PTPRA: variants seen among roughly 807,000 people sequenced by gnomAD.
PTPRA encodes receptor-type tyrosine-protein phosphatase alpha.
PTPRA carries 25 observed loss-of-function variants against 104.8 expected under a neutral mutation model. The ratio of observed to expected loss-of-function variants is 0.24; its 90% CI spans 0.17 to 0.33. PTPRA has a LOEUF of 0.33. PTPRA is among the 10% of genes least tolerant of loss of function. PTPRA has a pLI of 1.00. For missense variants in PTPRA, 765 were observed against 1,015.3 expected, an observed-to-expected ratio of 0.75 and a Z score of 3.35; for synonymous variants, 323 against 368.9, an observed-to-expected ratio of 0.88 and a Z score of 1.43.
intron 16 of PTPRA, among the ~76,000 whole-genome samples, chr20:3,023,302 G>C (rs2064973290): frequency 6.6e-6 from 1 of 152,224 alleles, no homozygotes; most frequent in Non-Finnish European, 1.5e-5. Flanking sequence ...CACTGAGATA[G>C]CCTGAGATAT....
chr20:3,021,233 T>A, intron 13 of PTPRA, 76 bp from the exon 14 acceptor site: 1 of 1,593,796 alleles, frequency 6.3e-7, no homozygotes, highest in South Asian at 1.1e-5. Context: ...CTTTGTGGGC[T>A]CTTCCTTCCA....
At chr20:2,973,789 G>T (rs1284043394) in intron 5 of PTPRA, among the ~76,000 whole-genome samples, 1 of 152,132 alleles carries the variant, frequency 6.6e-6, no homozygotes, top group Non-Finnish European at 1.5e-5. Context: ...AATATAGTCT[G>T]CCAGGAGAGC....
intron 1 of PTPRA, among the ~76,000 whole-genome samples, chr20:2,915,362 A>G (rs1206458689): frequency 6.6e-6 from 1 of 152,160 alleles, no homozygotes; most frequent in Non-Finnish European, 1.5e-5. Context: ...CCATTTGGCT[A>G]TCTTTTGAAA....
Position 3,015,942 on chromosome 20 carries a change from GGT to G in PTPRA, c.943+58_943+59del, listed in dbSNP as rs957090815. ...TTAACCATGATCACATAATGGGTTT[GGT>G]TTTTTTCTCCCAAATGCTGAGTGGA... On this transcript the variant is annotated intron_variant, in intron 12 of 23. Coordinates refer to ENST00000399903, the MANE Select transcript of PTPRA (RefSeq NM_001385305.1). 28 of 1,484,334 alleles carry G rather than the reference GGT, an allele frequency of 1.9e-5. No individual in the cohort carries two copies. In the African/African-American group the frequency reaches 3.5e-4, roughly 19 times the overall value. The allele number at this position is 1,484,334 out of a possible 1,614,324, so 91.9% of individuals were successfully genotyped here.
chr20:2,954,318 A>G (rs2061460506), intron 3 of PTPRA, among the ~76,000 whole-genome samples: 4 of 152,024 alleles, frequency 2.6e-5, no homozygotes, highest in Admixed American at 2.6e-4. Context: ...ACCTCAGGTG[A>G]TCCACCCACC....
At chr20:2,884,085 A>G (rs2090231244) in intron 1 of PTPRA, among the ~76,000 whole-genome samples, 1 of 152,140 alleles carries the variant, frequency 6.6e-6, no homozygotes, top group African/African-American at 2.4e-5. Flanking sequence ...ATTCCTTCTT[A>G]TGGCTGAATA....
chr20:3,024,409 G>C, intron 16 of PTPRA, 63 bp from the exon 17 acceptor site: 1 of 1,508,234 alleles, frequency 6.6e-7, no homozygotes, highest in Non-Finnish European at 9.1e-7. Context: ...GGTGGGAACA[G>C]GTGATCTGGC....
At chr20:2,941,951 T>C (rs936836885) in intron 2 of PTPRA, among the ~76,000 whole-genome samples, 6 of 152,294 alleles carry the variant, frequency 3.9e-5, no homozygotes, top group Admixed American at 1.3e-4. Context: ...ACTTCTCCTA[T>C]TTGTCTGTGA....
intron 2 of PTPRA, among the ~76,000 whole-genome samples, chr20:2,936,360 G>A (rs1477493599): frequency 6.6e-6 from 1 of 151,926 alleles, no homozygotes; most frequent in Non-Finnish European, 1.5e-5. Context: ...ACAGGGTCTT[G>A]CTATGTTGCC....
rs570930664 is a variant in PTPRA, at chr20:2,946,750, A to G, written c.-49-1232A>G. Among the ~76,000 whole-genome samples the G allele has an allele frequency of 1.1e-4, 17 of 152,188 alleles. 2 individuals carry two copies. The South Asian group carries it at 2.3e-3, about 20-fold the overall frequency. On this transcript the variant is annotated intron_variant, in intron 2 of 23. Transcript: ENST00000399903. ...GTAATCCCAGCTACTTGGGAGGCTG[A>G]GGCAGGAGAATCGCTTGAACCCGGG... is the stretch of plus-strand genomic sequence containing the variant.
chr20:3,002,502 A>T, intron 9 of PTPRA, among the ~76,000 whole-genome samples: 1 of 151,664 alleles, frequency 6.6e-6, no homozygotes, highest in African/African-American at 2.4e-5. Context: ...AATTTTTTGT[A>T]TTTTTAGTAG....
At chr20:3,015,644 G>A (rs1341202359) in intron 11 of PTPRA, among the ~76,000 whole-genome samples, 2 of 152,046 alleles carry the variant, frequency 1.3e-5, no homozygotes, top group Non-Finnish European at 2.9e-5. Context: ...AATTCAATTT[G>A]AGAAGACTAC....
At chr20:3,012,803 C>T (rs1002075687) in intron 11 of PTPRA, among the ~76,000 whole-genome samples, 3 of 152,202 alleles carry the variant, frequency 2.0e-5, no homozygotes, top group Non-Finnish European at 4.4e-5. Flanking sequence ...TTTCCCCTAA[C>T]ATTGAGGTAT....
intron 1 of PTPRA, among the ~76,000 whole-genome samples, chr20:2,888,456 G>A (rs1347089067): frequency 6.6e-6 from 1 of 151,984 alleles, no homozygotes; most frequent in Non-Finnish European, 1.5e-5. Context: ...CTACTTGGGA[G>A]GCTGAGGTGG....
At chr20:3,014,465 C>A (rs538245920) in intron 11 of PTPRA, among the ~76,000 whole-genome samples, 27 of 152,196 alleles carry the variant, frequency 1.8e-4, no homozygotes, top group African/African-American at 6.5e-4. Flanking sequence ...TGGTGAAACC[C>A]CATCTCTAAT....
At chr20:3,007,482 C>G in intron 11 of PTPRA, 62 bp downstream of exon 11, 1 of 1,489,314 alleles carries the variant, frequency 6.7e-7, no homozygotes, top group Non-Finnish European at 9.4e-7. Context: ...TCTGTTGGCT[C>G]CTCCCCAGCT....
At position 2,975,233 on chromosome 20, in the gene PTPRA, A is replaced by G; in HGVS notation, c.434A>G (p.Asp145Gly). ...FPPSGNSDSK[D>G]RRDETPIIAV... ...TACACAGGTAATTCTGACTCGAAGG[A>G]CAGAAGAGGTGAGCTGCTCACCTTA... The change falls in exon 6 of 24, where the codon GAC becomes GGC. Residue 145 changes from aspartate (D) to glycine (G), a missense_variant. Transcript: ENST00000399903. 6.3e-7 allele frequency: 1 copy of G among 1,597,652 alleles called. No individual in the cohort carries two copies. The highest frequency in any genetic ancestry group is 8.6e-7 in the Non-Finnish European group (1 of 1,166,762).
intron 1 of PTPRA, among the ~76,000 whole-genome samples, chr20:2,874,454 A>G (rs2089582383): frequency 6.6e-6 from 1 of 151,994 alleles, no homozygotes; most frequent in African/African-American, 2.4e-5. Context: ...TTTTGAGATC[A>G]CTGATGATAT....
chr20:2,917,857 G>A (rs1260517385), intron 1 of PTPRA, among the ~76,000 whole-genome samples: 1 of 151,944 alleles, frequency 6.6e-6, no homozygotes, highest in East Asian at 1.9e-4. Context: ...TTTGGAGACC[G>A]AGGCGGGTGG....
Sources: gnomAD v4.1 joint callset for allele counts (sites outside exome capture counted in the v4.1 genomes callset) on GRCh38, gnomAD v4.1.1 for gene constraint, MANE v1.5 for transcripts, NCBI Gene and HGNC (gene_info 2026-07-23, HGNC 2026-07-21) for gene names.